COBLL1: variants seen among roughly 807,000 people sequenced by gnomAD.
COBLL1 encodes the protein cordon-bleu WH2 repeat protein like 1.
In COBLL1, 50 loss-of-function variants were observed where a neutral mutation model predicts 94.8. The ratio of observed to expected loss-of-function variants is 0.53; its 90% CI spans 0.42 to 0.67. The LOEUF (loss-of-function observed/expected upper bound fraction) is 0.67. Among genes scored for constraint, COBLL1 ranks in the 30% least tolerant of loss-of-function variants. COBLL1 has a pLI of 0.00. For synonymous variants in COBLL1, 448 were observed against 473.8 expected (o/e 0.95, Z 0.71); for missense variants, 1,362 against 1,348.7 (o/e 1.01, Z -0.15).
At chr2:164,698,564 T>C (rs969024828) in intron 11 of COBLL1, among the ~76,000 whole-genome samples, 1 of 151,800 alleles carries the variant, frequency 6.6e-6, no homozygotes, top group Non-Finnish European at 1.5e-5. Flanking sequence ...TAAAACACCA[T>C]TGAGTATTTT....
rs1176449760 is a variant in COBLL1, at chr2:164,687,769, T to C, written c.3301-1737A>G. The C allele has an allele frequency of 1.7e-5, 9 of 531,546 alleles. No homozygotes were observed. In the East Asian group the frequency reaches 2.3e-4, roughly 14 times the overall value. The allele number at this position is 531,546 out of a possible 1,614,324, so 32.9% of individuals were successfully genotyped here. A position where few individuals can be genotyped will look rare whatever the true frequency, so the allele number is the denominator to read the frequency against. On this transcript the variant is annotated intron_variant, in intron 13 of 13. Transcript: ENST00000652658. ...AGGAAAGGAACTCAGTACACTTAAT[T>C]GACTGCAGAGGTAATGACTTCCATT...
chr2:164,777,707 T>C (rs999804629), intron 2 of COBLL1, among the ~76,000 whole-genome samples: 1 of 152,132 alleles, frequency 6.6e-6, no homozygotes, highest in Non-Finnish European at 1.5e-5. Flanking sequence ...ACAACTTCCT[T>C]AACACAGGCA....
intron 2 of COBLL1, among the ~76,000 whole-genome samples, chr2:164,660,760 G>C (rs1364573483): frequency 6.6e-6 from 1 of 152,104 alleles, no homozygotes; most frequent in East Asian, 1.9e-4. Context: ...ATATGAATTT[G>C]CATCCATTTT....
At chr2:164,687,396 G>C in intron 13 of COBLL1, 1 of 844,944 alleles carries the variant, frequency 1.2e-6, no homozygotes, top group Non-Finnish European at 2.0e-6. Context: ...CATCGACATT[G>C]AACTTGGTGA....
chr2:164,803,504 G>T (rs1472805612), intron 2 of COBLL1, among the ~76,000 whole-genome samples: 1 of 151,070 alleles, frequency 6.6e-6, no homozygotes, highest in East Asian at 1.9e-4. Flanking sequence ...GGCGGAGCTT[G>T]CAGTGAGCCG....
Position 164,784,990 on chromosome 2 carries a change from T to C in COBLL1, c.42-41115A>G, listed in dbSNP as rs147515888. Among the ~76,000 whole-genome samples, 56 of 152,222 alleles carry C rather than the reference T, an allele frequency of 3.7e-4. 1 individual carries two copies. In the East Asian group the frequency reaches 0.011, roughly 29 times the overall value. On this transcript the variant is annotated intron_variant, in intron 2 of 13. Transcript: ENST00000652658. Reference sequence around the variant, plus strand: ...GAGGGCTCCATCCTAATGAATGTATTAATGCTATTGTAAAAAAGGCTTGAG... The same window carrying C: ...GAGGGCTCCATCCTAATGAATGTATCAATGCTATTGTAAAAAAGGCTTGAG...
chr2:164,704,369 CA>C, intron 9 of COBLL1, 74 bp downstream of exon 9: 1 of 979,798 alleles, frequency 1.0e-6, no homozygotes, highest in East Asian at 2.4e-5. Context: ...CAAAGCATCG[CA>C]AATGGACTCA....
chr2:164,827,820 T>C (rs1685505083), intron 2 of COBLL1, among the ~76,000 whole-genome samples: 1 of 152,220 alleles, frequency 6.6e-6, no homozygotes, highest in African/African-American at 2.4e-5. Context: ...TAAAAAATAA[T>C]ATACCCTTTA....
intron 2 of COBLL1, chr2:164,665,788 T>C (rs1691150837): frequency 6.6e-6 from 1 of 152,160 alleles, no homozygotes; most frequent in Admixed American, 6.5e-5. Context: ...AATTTTCCTC[T>C]TCTCACCTCC....
At chr2:164,778,967 C>T (rs548083602) in intron 2 of COBLL1, among the ~76,000 whole-genome samples, 3 of 152,014 alleles carry the variant, frequency 2.0e-5, no homozygotes, top group South Asian at 2.1e-4. Flanking sequence ...TGAGACCAAC[C>T]GCAACTAGGA....
intron 5 of COBLL1, 108 bp downstream of exon 5, chr2:164,727,861 C>G (rs547903950): frequency 6.5e-5 from 42 of 646,284 alleles, no homozygotes; most frequent in Admixed American, 5.7e-5. Context: ...TCTATAGGAC[C>G]CATTAACTGC....
At chr2:164,726,674 A>G (rs1685736097) in intron 5 of COBLL1, among the ~76,000 whole-genome samples, 1 of 152,110 alleles carries the variant, frequency 6.6e-6, no homozygotes, top group South Asian at 2.1e-4. Flanking sequence ...AGCATTTTCC[A>G]TCTTATTACA....
Position 164,727,986 on chromosome 2 carries a change from G to A in COBLL1, c.644C>T (p.Ala215Val), listed in dbSNP as rs764256858. The change falls in exon 5 of 14, where the codon GCG becomes GTG. Residue 215 changes from alanine to valine, a missense_variant. By Grantham distance (64) the Ala-to-Val change is moderately conservative. Coordinates refer to ENST00000652658, the MANE Select transcript of COBLL1 (RefSeq NM_001365672.2). The part of the protein sequence containing the change: ...LNDLGLRELY[A>V]MDVNRESCQI... The stretch of plus-strand genomic sequence containing the variant: ...TTACTTACCTCTGTTGACATCCATC[G>A]CATATAATTCTCTTAGTCCCAGGTC... The A allele has an allele frequency of 1.3e-5, 21 of 1,604,756 alleles. No individual in the cohort carries two copies. The highest frequency in any genetic ancestry group is 1.1e-4 in the South Asian group (10 of 90,862).
intron 2 of COBLL1, among the ~76,000 whole-genome samples, chr2:164,767,737 G>T (rs970303190): frequency 6.6e-6 from 1 of 151,548 alleles, no homozygotes; most frequent in Admixed American, 6.6e-5. Flanking sequence ...TAATTTTTTG[G>T]TTAGGGTAGG....
downstream of COBLL1, among the ~76,000 whole-genome samples, chr2:164,676,409 C>A (rs754890670): frequency 1.3e-5 from 2 of 152,156 alleles, no homozygotes; most frequent in African/African-American, 2.4e-5. Context: ...ATCTTGTATT[C>A]AATTCCCAGA....
intron 2 of COBLL1, among the ~76,000 whole-genome samples, chr2:164,750,939 G>A (rs1419073471): frequency 1.3e-5 from 2 of 152,068 alleles, no homozygotes; most frequent in East Asian, 1.9e-4. Flanking sequence ...CAACCTCAGC[G>A]CCCCTCTTGT....
At chr2:164,771,586 G>A (rs1688206210) in intron 2 of COBLL1, among the ~76,000 whole-genome samples, 1 of 151,878 alleles carries the variant, frequency 6.6e-6, no homozygotes, top group African/African-American at 2.4e-5. Context: ...TGACATAATT[G>A]ACAACAGGCT....
intron 3 of COBLL1, among the ~76,000 whole-genome samples, chr2:164,736,651 A>G (rs1686327605): frequency 6.6e-6 from 1 of 152,146 alleles, no homozygotes; most frequent in Admixed American, 6.6e-5. Context: ...ACACACATAC[A>G]TGCCCCTTAT....
chr2:164,801,309 G>A (rs1047370237), intron 2 of COBLL1, among the ~76,000 whole-genome samples: 4 of 150,574 alleles, frequency 2.7e-5, no homozygotes, highest in Non-Finnish European at 5.9e-5. Flanking sequence ...CGTGGTAGCG[G>A]GCGCCTGTAG....
Sources: allele counts gnomAD v4.1 joint callset (sites outside exome capture counted in the v4.1 genomes callset), GRCh38; gene constraint gnomAD v4.1.1; transcripts MANE v1.5; gene names NCBI Gene and HGNC (gene_info 2026-07-23, HGNC 2026-07-21).